Variants in ADAMTS18 observed in about 807,000 individuals in gnomAD.
The protein encoded by ADAMTS18 is A disintegrin and metalloproteinase with thrombospondin motifs 18.
A neutral mutation model predicts 165.9 loss-of-function variants in ADAMTS18; 157 were observed. That is an observed-to-expected ratio of 0.95 (90% CI 0.83 to 1.08). The LOEUF (loss-of-function observed/expected upper bound fraction) is 1.08, where lower values mean the gene tolerates loss of function less well. ADAMTS18 is among the 50% of genes least tolerant of loss of function. The pLI is 0.00. For synonymous variants in ADAMTS18, 782 were observed against 578.2 expected, an observed-to-expected ratio of 1.35 and a Z score of -5.06; for missense variants, 2,040 against 1,534.0, an observed-to-expected ratio of 1.33 and a Z score of -5.51.
At position 77,403,380 on chromosome 16, in the gene ADAMTS18, G is replaced by A. The variant is rs115254605; in HGVS notation, c.495+27915C>T. ...ATGAAGAGTAAGCAACTTTCTCAAT[G>A]TCACAACAATTTTATCAAGTGGCAG... On this transcript the variant is annotated intron_variant, in intron 3 of 22. Coordinates refer to ENST00000282849, the MANE Select transcript of ADAMTS18 (RefSeq NM_199355.4). Among the ~76,000 whole-genome samples, 1,001 of 152,246 alleles carry A rather than the reference G, an allele frequency of 6.6e-3. 18 individuals carry two copies. The highest frequency in any genetic ancestry group is 0.023 in the African/African-American group (944 of 41,536).
chr16:77,329,900 G>C (rs925976933), intron 12 of ADAMTS18, among the ~76,000 whole-genome samples: 1 of 152,112 alleles, frequency 6.6e-6, no homozygotes, highest in Admixed American at 6.6e-5. Context: ...CAACTATAAA[G>C]AGCATACCAT....
chr16:77,387,904 G>C (rs1330934788), intron 3 of ADAMTS18, among the ~76,000 whole-genome samples: 1 of 152,204 alleles, frequency 6.6e-6, no homozygotes, highest in Non-Finnish European at 1.5e-5. Context: ...GCTGGAATGA[G>C]AAAGATGGTG....
intron 3 of ADAMTS18, among the ~76,000 whole-genome samples, chr16:77,408,085 T>C (rs1169755111): frequency 1.3e-5 from 2 of 152,002 alleles, no homozygotes; most frequent in East Asian, 3.9e-4. Context: ...AAAGAGGATA[T>C]CTAAATGTCC....
At chr16:77,352,441 T>C (rs1037259861) in intron 10 of ADAMTS18, among the ~76,000 whole-genome samples, 1 of 152,198 alleles carries the variant, frequency 6.6e-6, no homozygotes, top group African/African-American at 2.4e-5. Context: ...ATTCCACCAT[T>C]TAAAAGTTTG....
At chr16:77,330,665 G>C (rs2056173504) in intron 12 of ADAMTS18, among the ~76,000 whole-genome samples, 1 of 152,114 alleles carries the variant, frequency 6.6e-6, no homozygotes, top group Non-Finnish European at 1.5e-5. Context: ...CACTTACATG[G>C]GACAAAGGAT....
intron 3 of ADAMTS18, among the ~76,000 whole-genome samples, chr16:77,373,319 A>C (rs2056902669): frequency 6.6e-6 from 1 of 151,978 alleles, no homozygotes. Context: ...CTAAAAATAC[A>C]AAAACTAGCC....
chr16:77,428,086 C>T (rs1429357992), intron 3 of ADAMTS18, among the ~76,000 whole-genome samples: 1 of 152,204 alleles, frequency 6.6e-6, no homozygotes, highest in Non-Finnish European at 1.5e-5. Context: ...TAGAAAATTG[C>T]TACCACATCC....
At chr16:77,333,711 G>T (rs116734773) in intron 12 of ADAMTS18, among the ~76,000 whole-genome samples, 1,537 of 151,016 alleles carry the variant, frequency 0.01, 24 homozygotes, top group African/African-American at 0.035. Flanking sequence ...CTCAGTGGAT[G>T]AATAAGTAAA....
At chr16:77,408,545 A>G (rs532870113) in intron 3 of ADAMTS18, among the ~76,000 whole-genome samples, 20 of 152,164 alleles carry the variant, frequency 1.3e-4, no homozygotes, top group Non-Finnish European at 2.2e-4. Context: ...ACATATAACA[A>G]TATGGATGGA....
At chr16:77,408,457 C>G (rs1437416260) in intron 3 of ADAMTS18, among the ~76,000 whole-genome samples, 2 of 152,034 alleles carry the variant, frequency 1.3e-5, no homozygotes, top group East Asian at 3.8e-4. Context: ...ACCCAAATGT[C>G]TGTCAACAAA....
At chr16:77,314,678 C>T (rs1458907463) in intron 16 of ADAMTS18, among the ~76,000 whole-genome samples, 6 of 126,558 alleles carry the variant, frequency 4.7e-5, no homozygotes, top group Admixed American at 2.5e-4. Flanking sequence ...TATATACATA[C>T]GATTGATAGA....
At chr16:77,315,895 T>C (rs2144627990) in intron 16 of ADAMTS18, among the ~76,000 whole-genome samples, 1 of 152,174 alleles carries the variant, frequency 6.6e-6, no homozygotes, top group South Asian at 2.1e-4. Flanking sequence ...CTCTTGAATA[T>C]CTAAGGTACA....
intron 3 of ADAMTS18, among the ~76,000 whole-genome samples, chr16:77,413,746 C>T (rs777980275): frequency 7.0e-6 from 1 of 142,154 alleles, no homozygotes; most frequent in Non-Finnish European, 1.5e-5. Context: ...TTTAGTATAA[C>T]TAAGAAAGTT....
intron 16 of ADAMTS18, among the ~76,000 whole-genome samples, chr16:77,303,263 G>A (rs1167763514): frequency 6.6e-6 from 1 of 152,102 alleles, no homozygotes; most frequent in East Asian, 1.9e-4. Flanking sequence ...AAATAACCAT[G>A]TGTGACTAAT....
chr16:77,358,242 G>A (rs941408025), intron 8 of ADAMTS18, among the ~76,000 whole-genome samples: 6 of 152,122 alleles, frequency 3.9e-5, no homozygotes, highest in Admixed American at 1.3e-4. Flanking sequence ...CAATGATCAA[G>A]GTTTAAATTT....
chr16:77,420,545 C>A (rs1314357875), intron 3 of ADAMTS18, among the ~76,000 whole-genome samples: 3 of 152,168 alleles, frequency 2.0e-5, no homozygotes, highest in Non-Finnish European at 4.4e-5. Flanking sequence ...GCTAGTCATA[C>A]ACACCGAGGT....
intron 11 of ADAMTS18, among the ~76,000 whole-genome samples, chr16:77,338,443 A>T (rs928285822): frequency 6.6e-6 from 1 of 151,218 alleles, no homozygotes; most frequent in Non-Finnish European, 1.5e-5. Flanking sequence ...CACCATGTTG[A>T]CCAGTGTAGT....
intron 21 of ADAMTS18, 64 bp downstream of exon 21, chr16:77,291,202 G>A: frequency 1.3e-6 from 2 of 1,557,152 alleles, no homozygotes; most frequent in Non-Finnish European, 1.8e-6. Flanking sequence ...GCAACTGTTT[G>A]CAGAACGCCT....
intron 3 of ADAMTS18, among the ~76,000 whole-genome samples, chr16:77,370,329 G>C (rs2056858471): frequency 6.6e-6 from 1 of 152,150 alleles, no homozygotes; most frequent in African/African-American, 2.4e-5. Flanking sequence ...CTTATAAAGA[G>C]AAAACTCTAA....
Sources: allele counts gnomAD v4.1 joint callset (sites outside exome capture counted in the v4.1 genomes callset), GRCh38; gene constraint gnomAD v4.1.1; transcripts MANE v1.5; gene names NCBI Gene and HGNC (gene_info 2026-07-23, HGNC 2026-07-21).